The following ORC3 variants were observed in gnomAD, a reference collection of about 807,000 sequenced individuals.
The protein encoded by ORC3 is homolog of latheo, Drosophila.
In ORC3, 78 loss-of-function variants were observed where a neutral mutation model predicts 100.7. The ratio of observed to expected loss-of-function variants is 0.77; its 90% CI spans 0.65 to 0.94. ORC3 has a LOEUF of 0.94. Among genes scored for constraint, ORC3 ranks in the 40% least tolerant of loss-of-function variants. ORC3 has a pLI of 0.00. For synonymous variants in ORC3, 295 were observed against 289.3 expected, an observed-to-expected ratio of 1.02 and a Z score of -0.20; for missense variants, 789 against 823.9, an observed-to-expected ratio of 0.96 and a Z score of 0.52.
At chr6:87,612,002 A>G in intron 7 of ORC3, 87 bp from the exon 8 acceptor site, 1 of 1,256,524 alleles carries the variant, frequency 8.0e-7, no homozygotes, top group Non-Finnish European at 1.1e-6. Context: ...TAAGCATTAA[A>G]ATAAAGTTTG....
intron 11 of ORC3, among the ~76,000 whole-genome samples, chr6:87,627,725 T>A (rs774062403): frequency 2.0e-5 from 3 of 152,202 alleles, no homozygotes; most frequent in Non-Finnish European, 4.4e-5. Flanking sequence ...CATTAGAGTT[T>A]ATCATTTTGT....
rs1767822236 is a variant in ORC3, at chr6:87,636,300, G to T, written c.1303-107G>T. The T allele has an allele frequency of 8.8e-6, 6 of 683,466 alleles. No homozygotes were observed. In the South Asian group the frequency reaches 9.2e-5, roughly 10 times the overall value. The allele number at this position is 683,466 out of a possible 1,614,324, so 42.3% of individuals were successfully genotyped here. ...AAGTCTATTATAATCTAAAGAAAATGACTTTTAATAACATTAATTTTTTTT... is the reference window on the plus strand; with the variant it reads ...AAGTCTATTATAATCTAAAGAAAATTACTTTTAATAACATTAATTTTTTTT... On this transcript the variant is annotated intron_variant, in intron 12 of 19. Coordinates refer to ENST00000392844, the MANE Select transcript of ORC3 (RefSeq NM_012381.4).
chr6:87,677,549 C>T, the ORC3 span, among the ~76,000 whole-genome samples: 2 of 152,052 alleles, frequency 1.3e-5, no homozygotes, highest in Non-Finnish European at 2.9e-5. Context: ...AATCCACAAC[C>T]AAATTGAGGT....
chr6:87,677,072 C>T, the ORC3 span, among the ~76,000 whole-genome samples: 6 of 148,516 alleles, frequency 4.0e-5, no homozygotes, highest in South Asian at 2.1e-4. Flanking sequence ...AGTGAGACTC[C>T]GTCTCAGGAA....
chr6:87,603,418 A>T lies in ORC3; in HGVS notation c.212A>T (p.Asp71Val). The T allele has an allele frequency of 6.5e-7, 1 of 1,526,938 alleles. No homozygotes were observed. Among genetic ancestry groups the T allele is most frequent in the Non-Finnish European group, 8.9e-7 (1 of 1,117,920 alleles). 94.6% of individuals were successfully genotyped at this position (1,526,938 alleles called of 1,614,324 possible). A position where few individuals can be genotyped will look rare whatever the true frequency, so the allele number is the denominator to read the frequency against. ...LQEELNKNLF[D>V]NLIEFLQKSH... Reference sequence around the variant, plus strand: ...GAGGAATTAAATAAAAACTTGTTTGACAATCTGATTGAATTTCTGCAAAAA... The same window carrying T: ...GAGGAATTAAATAAAAACTTGTTTGTCAATCTGATTGAATTTCTGCAAAAA... Residue 71 changes from aspartate (D) to valine (V), a missense_variant, in exon 4 of 20, where the codon GAC (aspartate) becomes GTC (valine). Physicochemically the swap from Asp to Val is radical, Grantham distance 152. Around this residue, in one of 3 missense-constraint regions of ORC3, gnomAD observed 399 missense variants for 382.0 expected, o/e 1.04. Coordinates refer to ENST00000392844, the MANE Select transcript of ORC3 (RefSeq NM_012381.4).
chr6:87,594,480 T>C lies in ORC3; in HGVS notation c.79+73T>C, dbSNP rs1207857256. ...ATTAGGAACTAACCCTAATTGAATT[T>C]AGTAATTCTCTTGTCTAACCTTGGC... On this transcript the variant is annotated intron_variant, in intron 2 of 19. Transcript: ENST00000392844. 6 of 1,428,868 alleles carry C rather than the reference T, an allele frequency of 4.2e-6. No individual in the cohort carries two copies. The East Asian group carries it at 7.0e-5, about 17-fold the overall frequency. 88.5% of individuals were successfully genotyped at this position (1,428,868 alleles called of 1,614,324 possible).
At chr6:87,594,659 T>C (rs28381467) in intron 2 of ORC3, 25,962 of 747,886 alleles carry the variant, frequency 0.035, 551 homozygotes, top group Non-Finnish European at 0.041. Context: ...TGCTATTCTT[T>C]AAAAGAGATT....
At chr6:87,644,431 G>A (rs942787881) in intron 13 of ORC3, among the ~76,000 whole-genome samples, 3 of 151,616 alleles carry the variant, frequency 2.0e-5, no homozygotes, top group Admixed American at 2.0e-4. Flanking sequence ...AATAGGCCAG[G>A]CATGGTGGCT....
At chr6:87,610,657 C>T (rs1368473591) in intron 7 of ORC3, among the ~76,000 whole-genome samples, 3 of 146,888 alleles carry the variant, frequency 2.0e-5, no homozygotes, top group Non-Finnish European at 4.5e-5. Flanking sequence ...GGGTTCACGC[C>T]ATTCTCCTGC....
chr6:87,622,254 C>T (rs1478606893), intron 11 of ORC3, among the ~76,000 whole-genome samples: 1 of 151,884 alleles, frequency 6.6e-6, no homozygotes, highest in Non-Finnish European at 1.5e-5. Context: ...TCTCTTGTGG[C>T]CTATTTTGAA....
chr6:87,625,281 A>C (rs1779816390), intron 11 of ORC3, among the ~76,000 whole-genome samples: 1 of 152,204 alleles, frequency 6.6e-6, no homozygotes, highest in African/African-American at 2.4e-5. Flanking sequence ...ACTGTCTTCC[A>C]CAATGGTTGA....
At chr6:87,642,892 ACT>A (rs1018420602) in intron 13 of ORC3, among the ~76,000 whole-genome samples, 1 of 151,930 alleles carries the variant, frequency 6.6e-6, no homozygotes, top group Non-Finnish European at 1.5e-5. Context: ...ACAGAGCAAA[ACT>A]CTGTCTCAAA....
At position 87,656,963 on chromosome 6, in the gene ORC3, A is replaced by T. The variant is rs1165417519; in HGVS notation, c.1574A>T (p.Asp525Val). Residue 525 changes from aspartate (D) to valine (V), a missense_variant, in exon 15 of 20, where the codon GAC becomes GTC. This residue lies in a region of ORC3 where 366 missense variants were observed against 394.2 expected (regional missense o/e 0.93). Transcript: ENST00000392844. ...CAGCCAAAGGGGCTTCAGAAGACAGACCTCTATCATCTTCAGAAGGTCAGG... is the reference window on the plus strand; with the variant it reads ...CAGCCAAAGGGGCTTCAGAAGACAGTCCTCTATCATCTTCAGAAGGTCAGG... ...GSQPKGLQKT[D>V]LYHLQKSLLE... 3 of 1,610,488 alleles carry T rather than the reference A, an allele frequency of 1.9e-6. No individual in the cohort carries two copies. Among genetic ancestry groups the T allele is most frequent in the Non-Finnish European group, 2.5e-6 (3 of 1,176,908 alleles).
In ORC3 at chr6:87,594,382, A is replaced by G. The variant is rs774600209; in HGVS notation, c.54A>G (p.Lys18=). The change falls in exon 2 of 20, where the codon AAA becomes AAG. Residue 18 remains lysine, a synonymous_variant. Coordinates refer to ENST00000392844, the MANE Select transcript of ORC3 (RefSeq NM_012381.4). ...KGCFVFKPNS[K]KRKISLPIED... is the part of the protein sequence containing the mutation. ...GCTTTGTTTTTAAGCCAAACTCCAA[A>G]AAGAGAAAGATCTCTCTGCCAATAG... 3 of 1,584,802 alleles carry G rather than the reference A, an allele frequency of 1.9e-6. No individual in the cohort carries two copies. Among genetic ancestry groups the G allele is most frequent in the Non-Finnish European group, 1.7e-6 (2 of 1,159,892 alleles).
chr6:87,651,846 A>G (rs1446771567), intron 13 of ORC3, among the ~76,000 whole-genome samples: 1 of 151,722 alleles, frequency 6.6e-6, no homozygotes, highest in Non-Finnish European at 1.5e-5. Flanking sequence ...AATTAGTTGT[A>G]TTACAAAATG....
intron 16 of ORC3, among the ~76,000 whole-genome samples, chr6:87,659,569 T>C (rs1770021487): frequency 6.6e-6 from 1 of 152,020 alleles, no homozygotes; most frequent in African/African-American, 2.4e-5. Flanking sequence ...AAATTGCTAA[T>C]GCCATGAAAA....
chr6:87,662,894 T>C (rs1770304191), intron 16 of ORC3, 109 bp from the exon 17 acceptor site: 3 of 567,124 alleles, frequency 5.3e-6, no homozygotes, highest in Middle Eastern at 5.8e-4. Context: ...AAAAATGTTA[T>C]AGTGAAAATT....
chr6:87,612,254 A>G lies in ORC3; in HGVS notation c.873+6A>G, dbSNP rs1411706215. 6.3e-7 allele frequency: 1 copy of G among 1,587,752 alleles called. No individual in the cohort carries two copies. The highest frequency in any genetic ancestry group is 8.6e-7 in the Non-Finnish European group (1 of 1,169,572). Reference sequence around the variant, plus strand: ...TGACTACGGTACTCGATAAGGTAAAAAGAATAAGTTTTACCAGTGAAATAG... The same window carrying G: ...TGACTACGGTACTCGATAAGGTAAAGAGAATAAGTTTTACCAGTGAAATAG... On this transcript the variant is annotated splice_donor_region_variant and intron_variant, in intron 8 of 19. Transcript: ENST00000392844.
At chr6:87,675,512 A>G in the ORC3 span, 6 of 1,541,806 alleles carry the variant, frequency 3.9e-6, no homozygotes, top group African/African-American at 6.8e-5. Flanking sequence ...CAGAAGGGGT[A>G]TTGGCATTGC....
Sources: allele counts gnomAD v4.1 joint callset (sites outside exome capture counted in the v4.1 genomes callset), GRCh38; gene constraint gnomAD v4.1.1; regional missense constraint gnomAD v4.1.1; transcripts MANE v1.5; gene names NCBI Gene and HGNC (gene_info 2026-07-23, HGNC 2026-07-21).